The following ZNF362 variants were observed in gnomAD, a reference collection of about 807,000 sequenced individuals.
ZNF362 encodes rotund homolog.
ZNF362 carries 11 observed loss-of-function variants against 42.9 expected under a neutral mutation model. The ratio of observed to expected loss-of-function variants is 0.26; its 90% confidence interval spans 0.16 to 0.42. The LOEUF (loss-of-function observed/expected upper bound fraction) is 0.42, where lower values mean the gene tolerates loss of function less well. Among genes scored for constraint, ZNF362 ranks in the 20% least tolerant of loss-of-function variants. The pLI is 1.00. For synonymous variants in ZNF362, 255 were observed against 257.3 expected (o/e 0.99, Z 0.09); for missense variants, 362 against 576.2 (o/e 0.63, Z 3.81).
the ZNF362 span, among the ~76,000 whole-genome samples, chr1:33,189,651 ATATATATATATATATATATATG>A: frequency 2.9e-4 from 6 of 20,712 alleles, no homozygotes; most frequent in East Asian, 4.4e-3. Context: ...ATATATATAT[ATATATATATATATATATATATG>A]TATATATATA....
the ZNF362 span, chr1:33,165,045 G>T: frequency 2.8e-3 from 433 of 154,546 alleles, 5 homozygotes; most frequent in African/African-American, 0.01. This position sits in a 1 kb window ranked among gnomAD's most constrained non-coding sequence, Gnocchi z 4.0. Context: ...TCTTGCCTCG[G>T]CCTCTGAAGA....
At chr1:33,250,276 T>G in the ZNF362 span, among the ~76,000 whole-genome samples, 1 of 152,098 alleles carries the variant, frequency 6.6e-6, no homozygotes, top group East Asian at 1.9e-4. Context: ...CTCTCAAGAC[T>G]ACTGTAGGGG....
At chr1:33,176,355 C>G in the ZNF362 span, 1 of 662,356 alleles carries the variant, frequency 1.5e-6, no homozygotes, top group Admixed American at 2.0e-5. Context: ...CCCCAGCCCC[C>G]TCCCTCCTTG....
the ZNF362 span, among the ~76,000 whole-genome samples, chr1:33,224,807 T>C: frequency 6.6e-6 from 1 of 152,220 alleles, no homozygotes; most frequent in Non-Finnish European, 1.5e-5. Context: ...TTAAGAATTA[T>C]GAACTCTATA....
At chr1:33,207,521 A>AC in the ZNF362 span, among the ~76,000 whole-genome samples, 1 of 152,152 alleles carries the variant, frequency 6.6e-6, no homozygotes, top group South Asian at 2.1e-4. Flanking sequence ...TTGAAGAATC[A>AC]CCACACTGTC....
chr1:33,143,454 G>A, the ZNF362 span, among the ~76,000 whole-genome samples: 1 of 152,132 alleles, frequency 6.6e-6, no homozygotes, highest in Non-Finnish European at 1.5e-5. Flanking sequence ...TGAGAGGATG[G>A]GGGAGGGCTT....
At chr1:33,221,822 C>CGAT in the ZNF362 span, among the ~76,000 whole-genome samples, 2 of 152,220 alleles carry the variant, frequency 1.3e-5, no homozygotes, top group African/African-American at 4.8e-5. Flanking sequence ...CCAGCATGAA[C>CGAT]GATGGGGCAG....
chr1:33,205,351 G>T, the ZNF362 span, among the ~76,000 whole-genome samples: 111 of 152,108 alleles, frequency 7.3e-4, no homozygotes, highest in African/African-American at 2.6e-3. Flanking sequence ...CAGGCATGGT[G>T]GTGCACGCCT....
chr1:33,217,267 A>G, the ZNF362 span, among the ~76,000 whole-genome samples: 1 of 152,332 alleles, frequency 6.6e-6, no homozygotes, highest in Admixed American at 6.5e-5. Flanking sequence ...GAGAGCAGTG[A>G]GGAAGGAGCC....
the ZNF362 span, chr1:33,147,066 C>A: frequency 5.8e-6 from 7 of 1,200,684 alleles, no homozygotes; most frequent in Non-Finnish European, 7.1e-6. This position sits in a 1 kb window ranked among gnomAD's most constrained non-coding sequence, Gnocchi z 8.1. Context: ...AAACAACTGG[C>A]CTGAGGTCTC....
the ZNF362 span, among the ~76,000 whole-genome samples, chr1:33,223,903 AAAAAAAAG>A: frequency 6.6e-6 from 1 of 151,858 alleles, no homozygotes; most frequent in African/African-American, 2.4e-5. Context: ...CAAAAAAAAA[AAAAAAAAG>A]AAAAAAGAGA....
At chr1:33,147,093 C>T in the ZNF362 span, 14 of 1,496,754 alleles carry the variant, frequency 9.4e-6, no homozygotes, top group Non-Finnish European at 1.3e-5. The surrounding 1 kb of genome is among the most constrained non-coding windows in gnomAD (Gnocchi z 8.1). Context: ...CCACGGTGGG[C>T]TGGAGTCCAG....
At chr1:33,141,459 C>T in the ZNF362 span, among the ~76,000 whole-genome samples, 1 of 152,198 alleles carries the variant, frequency 6.6e-6, no homozygotes, top group African/African-American at 2.4e-5. Context: ...CTCTGGGCTT[C>T]AGGTTAGACT....
chr1:33,197,747 C>T, the ZNF362 span, among the ~76,000 whole-genome samples: 10 of 152,030 alleles, frequency 6.6e-5, no homozygotes, highest in African/African-American at 1.4e-4. Context: ...TAGAGTTTGC[C>T]GGGCAGAGTC....
the ZNF362 span, among the ~76,000 whole-genome samples, chr1:33,226,990 T>C: frequency 6.6e-6 from 1 of 152,276 alleles, no homozygotes; most frequent in South Asian, 2.1e-4. Context: ...CCTGAAGATA[T>C]AAAGTAGATT....
the ZNF362 span, chr1:33,159,696 C>G: frequency 6.2e-7 from 1 of 1,607,614 alleles, no homozygotes. This position sits in a 1 kb window ranked among gnomAD's most constrained non-coding sequence, Gnocchi z 4.2. Context: ...ACCGCTCGGA[C>G]AGTGAGGCCA....
the ZNF362 span, among the ~76,000 whole-genome samples, chr1:33,154,798 CA>C: frequency 5.8e-4 from 60 of 102,754 alleles, no homozygotes; most frequent in Admixed American, 8.5e-4. Flanking sequence ...ACTCCGTATC[CA>C]AAAAAAAAAA....
At chr1:33,200,849 A>G in the ZNF362 span, among the ~76,000 whole-genome samples, 1 of 152,218 alleles carries the variant, frequency 6.6e-6, no homozygotes, top group African/African-American at 2.4e-5. Flanking sequence ...ATATTTAAAG[A>G]GATAATCAGG....
At chr1:33,179,483 T>A in the ZNF362 span, among the ~76,000 whole-genome samples, 1 of 152,160 alleles carries the variant, frequency 6.6e-6, no homozygotes, top group Non-Finnish European at 1.5e-5. Context: ...TCTGTTTGAG[T>A]ATCTCGAGGC....
Sources: allele counts gnomAD v4.1 joint callset (sites outside exome capture counted in the v4.1 genomes callset), GRCh38; gene constraint gnomAD v4.1.1; non-coding constraint Gnocchi (gnomAD v3.1); transcripts MANE v1.5; gene names NCBI Gene and HGNC (gene_info 2026-07-23, HGNC 2026-07-21).